The following TNKS variants were observed in gnomAD, a reference collection of about 807,000 sequenced individuals.
TNKS encodes poly [ADP-ribose] polymerase tankyrase-1.
A neutral mutation model predicts 135.8 loss-of-function variants in TNKS; 72 were observed. The observed-to-expected ratio is 0.53, with a 90% CI of 0.44 to 0.64. TNKS has a LOEUF of 0.64. TNKS is among the 30% of genes least tolerant of loss of function. The pLI is 0.00. For missense variants in TNKS, 1,769 were observed against 1,674.0 expected (o/e 1.06, Z -0.99); for synonymous variants, 849 against 649.3 (o/e 1.31, Z -4.68).
chr8:9,675,888 GT>G (rs1420725674), intron 3 of TNKS, among the ~76,000 whole-genome samples: 1 of 152,070 alleles, frequency 6.6e-6, no homozygotes, highest in Non-Finnish European at 1.5e-5. Context: ...TGAAATTGGG[GT>G]TGAGGTGACA....
At chr8:9,748,942 C>T (rs1806380589) in intron 18 of TNKS, among the ~76,000 whole-genome samples, 1 of 152,176 alleles carries the variant, frequency 6.6e-6, no homozygotes, top group African/African-American at 2.4e-5. Context: ...TTGACAGATA[C>T]AACTAGAAGG....
At chr8:9,769,641 AC>A (rs1807692139) in intron 25 of TNKS, among the ~76,000 whole-genome samples, 1 of 96,064 alleles carries the variant, frequency 1.0e-5, no homozygotes, top group Non-Finnish European at 1.9e-5. Context: ...TTTTTTTGAG[AC>A]GGAGTCTCGC....
At chr8:9,591,075 A>G (rs929539951) in intron 2 of TNKS, among the ~76,000 whole-genome samples, 1 of 152,176 alleles carries the variant, frequency 6.6e-6, no homozygotes, top group South Asian at 2.1e-4. Flanking sequence ...ATGTTTGGAG[A>G]TGATGTGAGG....
chr8:9,707,356 T>G (rs531414088), intron 8 of TNKS, among the ~76,000 whole-genome samples: 2 of 152,316 alleles, frequency 1.3e-5, no homozygotes, highest in African/African-American at 4.8e-5. Flanking sequence ...CTTCTGGGGC[T>G]TACATTCTTG....
chr8:9,643,821 T>C (rs537919630), intron 3 of TNKS, among the ~76,000 whole-genome samples: 1 of 152,242 alleles, frequency 6.6e-6, no homozygotes, highest in African/African-American at 2.4e-5. Flanking sequence ...ATTTGTACAC[T>C]CATGTTGATA....
chr8:9,766,739 C>T (rs558335391), intron 25 of TNKS, among the ~76,000 whole-genome samples: 16 of 152,262 alleles, frequency 1.1e-4, no homozygotes, highest in Non-Finnish European at 1.9e-4. Context: ...CCACCTCGGC[C>T]TCCCAAAATG....
At position 9,641,406 on chromosome 8, in the gene TNKS, A is replaced by C. The variant is rs1344829624; in HGVS notation, c.994+25729A>C. Among the ~76,000 whole-genome samples, 4 of 145,234 alleles carry C rather than the reference A, an allele frequency of 2.8e-5. 1 individual carries two copies. On this transcript the variant is annotated intron_variant, in intron 3 of 26. Transcript: ENST00000310430. The stretch of plus-strand genomic sequence containing the variant: ...TTGAGATATTTCCAAGTGATAATAA[A>C]AATGAGTCTGATTTATTTATAAATA...
chr8:9,714,945 A>T (rs907682005), intron 11 of TNKS, among the ~76,000 whole-genome samples: 3 of 152,222 alleles, frequency 2.0e-5, no homozygotes, highest in Admixed American at 6.5e-5. Flanking sequence ...GTGATTCTAC[A>T]TTTTAGGAGC....
intron 3 of TNKS, among the ~76,000 whole-genome samples, chr8:9,655,106 G>C (rs148656135): frequency 1.3e-5 from 2 of 152,228 alleles, no homozygotes; most frequent in African/African-American, 4.8e-5. Context: ...TCCTGCACCT[G>C]GCTTGGAGGA....
Position 9,710,027 on chromosome 8 carries a change from G to A in TNKS, c.1651G>A (p.Val551Ile), listed in dbSNP as rs1376827673. 2 of 1,614,026 alleles carry A rather than the reference G, an allele frequency of 1.2e-6. No individual in the cohort carries two copies. Among genetic ancestry groups the A allele is most frequent in the African/African-American group, 2.7e-5 (2 of 75,054 alleles). ...ATTGTTACTTAGAAAAGGAGCAAAT[G>A]TTAATGAAAAAAATAAAGAGTAAGT... ...TELLLRKGANVNEKNKDFMTP... is the reference protein window; with the variant it reads ...TELLLRKGANINEKNKDFMTP... Residue 551 changes from valine to isoleucine, a missense_variant, in exon 10 of 27, where the codon GTT becomes ATT. Val to Ile is a conservative substitution (Grantham distance 29). Transcript: ENST00000310430.
intron 11 of TNKS, among the ~76,000 whole-genome samples, chr8:9,717,101 A>ATATATATATATT (rs1454492300): frequency 3.8e-4 from 45 of 119,318 alleles, no homozygotes; most frequent in Admixed American, 1.0e-3. Context: ...ATATATATAT[A>ATATATATATATT]TTTTCAGGGA....
At chr8:9,610,542 T>A (rs1438676813) in intron 2 of TNKS, among the ~76,000 whole-genome samples, 1 of 152,088 alleles carries the variant, frequency 6.6e-6, no homozygotes, top group African/African-American at 2.4e-5. Flanking sequence ...CATTGAAGGC[T>A]GTACTGTAGT....
chr8:9,578,445 T>A (rs1401615879), intron 1 of TNKS, among the ~76,000 whole-genome samples: 2 of 152,232 alleles, frequency 1.3e-5, no homozygotes, highest in Non-Finnish European at 2.9e-5. Flanking sequence ...CAGTTACTAA[T>A]ACAAAATTGA....
At chr8:9,747,094 G>C (rs892426294) in intron 17 of TNKS, among the ~76,000 whole-genome samples, 1 of 151,830 alleles carries the variant, frequency 6.6e-6, no homozygotes, top group Non-Finnish European at 1.5e-5. Flanking sequence ...TGTTGGCCAG[G>C]CTGGTCTCGA....
chr8:9,615,544 C>A (rs1799609990), intron 2 of TNKS, 38 bp from the exon 3 acceptor site: 9 of 1,548,000 alleles, frequency 5.8e-6, no homozygotes, highest in Non-Finnish European at 7.1e-6. Flanking sequence ...ATCTCTGTAT[C>A]CCCGAGGTAA....
chr8:9,557,473 A>G (rs1815374139), intron 1 of TNKS: 1 of 151,872 alleles, frequency 6.6e-6, no homozygotes, highest in Non-Finnish European at 1.5e-5. Context: ...AAATAAAGAG[A>G]ACTGTAAAAT....
intron 3 of TNKS, among the ~76,000 whole-genome samples, chr8:9,678,565 C>T (rs1802644789): frequency 6.6e-6 from 1 of 152,124 alleles, no homozygotes. Context: ...CAACTTTTTA[C>T]TTTGAAAATA....
At chr8:9,593,230 C>T (rs908752994) in intron 2 of TNKS, among the ~76,000 whole-genome samples, 3 of 152,146 alleles carry the variant, frequency 2.0e-5, no homozygotes, top group Admixed American at 6.5e-5. Context: ...AGGACTTAGC[C>T]AAGCAGTGTC....
chr8:9,690,045 A>C (rs1046969937), intron 5 of TNKS, among the ~76,000 whole-genome samples: 1 of 152,252 alleles, frequency 6.6e-6, no homozygotes, highest in Non-Finnish European at 1.5e-5. Context: ...AGTGTGAAAC[A>C]TCAAGTTACA....
Sources: gnomAD v4.1 joint callset for allele counts (sites outside exome capture counted in the v4.1 genomes callset) on GRCh38, gnomAD v4.1.1 for gene constraint, MANE v1.5 for transcripts, NCBI Gene and HGNC (gene_info 2026-07-23, HGNC 2026-07-21) for gene names.